The following SLC24A2 variants were observed in gnomAD, a reference collection of about 807,000 sequenced individuals.
SLC24A2 encodes solute carrier family 24 member 2, also known as sodium/potassium/calcium exchanger 2.
Under a neutral mutation model 62.0 loss-of-function variants are expected in SLC24A2, and 36 were observed. That is an observed-to-expected ratio of 0.58 (90% confidence interval 0.44 to 0.77). SLC24A2 has a LOEUF of 0.77. Among genes scored for constraint, SLC24A2 ranks in the 30% least tolerant of loss-of-function variants. The probability of loss-of-function intolerance (pLI) is 0.00; values close to 1 mark genes in which losing one functional copy is unlikely to be tolerated. For synonymous variants in SLC24A2, 358 were observed against 294.0 expected (o/e 1.22, Z -2.23); for missense variants, 846 against 817.9 (o/e 1.03, Z -0.42).
intron 4 of SLC24A2, among the ~76,000 whole-genome samples, chr9:19,612,027 T>C (rs934283898): frequency 2.0e-5 from 3 of 152,138 alleles, no homozygotes; most frequent in Non-Finnish European, 4.4e-5. Flanking sequence ...TTCAGGCAGG[T>C]AAGAAAACCA....
At chr9:19,940,882 T>C in the SLC24A2 span, among the ~76,000 whole-genome samples, 1 of 152,190 alleles carries the variant, frequency 6.6e-6, no homozygotes, top group Admixed American at 6.5e-5. Flanking sequence ...TGGGAAAGGC[T>C]CTCTCATTTT....
chr9:19,809,063 C>G, the SLC24A2 span, among the ~76,000 whole-genome samples: 1 of 152,150 alleles, frequency 6.6e-6, no homozygotes, highest in Non-Finnish European at 1.5e-5. Flanking sequence ...TACATATTTG[C>G]AAATAAATGA....
chr9:19,603,046 TG>T (rs1177294529), intron 4 of SLC24A2, among the ~76,000 whole-genome samples: 1 of 152,180 alleles, frequency 6.6e-6, no homozygotes, highest in Non-Finnish European at 1.5e-5. Context: ...AAATATGATT[TG>T]AATAGCAAAG....
At chr9:20,121,143 A>C in the SLC24A2 span, among the ~76,000 whole-genome samples, 1 of 148,802 alleles carries the variant, frequency 6.7e-6, no homozygotes, top group African/African-American at 2.5e-5. Context: ...ATCACCTCCT[A>C]ATTTCTATAG....
At chr9:20,295,026 G>T in the SLC24A2 span, among the ~76,000 whole-genome samples, 1 of 142,908 alleles carries the variant, frequency 7.0e-6, no homozygotes, top group South Asian at 2.4e-4. Flanking sequence ...CTGTGCATAT[G>T]TGTATATATG....
the SLC24A2 span, among the ~76,000 whole-genome samples, chr9:20,214,724 G>C: frequency 6.6e-6 from 1 of 152,138 alleles, no homozygotes; most frequent in Non-Finnish European, 1.5e-5. Flanking sequence ...GTTATCATTT[G>C]TCTTCCCTAC....
chr9:20,232,413 T>G, the SLC24A2 span, among the ~76,000 whole-genome samples: 4 of 152,142 alleles, frequency 2.6e-5, no homozygotes, highest in Admixed American at 6.6e-5. Context: ...CAATTTCAGA[T>G]CCTGTTATTG....
the SLC24A2 span, among the ~76,000 whole-genome samples, chr9:19,889,024 G>A: frequency 6.6e-6 from 1 of 152,314 alleles, no homozygotes; most frequent in Admixed American, 6.5e-5. Context: ...GAAGCTAGAG[G>A]AGGAGAGCCC....
At chr9:20,273,652 C>T in the SLC24A2 span, among the ~76,000 whole-genome samples, 1 of 152,162 alleles carries the variant, frequency 6.6e-6, no homozygotes, top group Non-Finnish European at 1.5e-5. Context: ...GATTGTGAGG[C>T]CTCCCCAGCC....
chr9:19,881,141 T>G, the SLC24A2 span, among the ~76,000 whole-genome samples: 1 of 152,062 alleles, frequency 6.6e-6, no homozygotes, highest in Non-Finnish European at 1.5e-5. Context: ...ATCACATAAG[T>G]ATAGTTCATA....
At chr9:20,224,770 T>G in the SLC24A2 span, among the ~76,000 whole-genome samples, 1 of 152,204 alleles carries the variant, frequency 6.6e-6, no homozygotes, top group East Asian at 1.9e-4. Flanking sequence ...TAGTCCATGC[T>G]GTTGGGGCCC....
the SLC24A2 span, among the ~76,000 whole-genome samples, chr9:20,222,525 G>C: frequency 1.3e-5 from 2 of 152,008 alleles, no homozygotes; most frequent in African/African-American, 2.4e-5. Context: ...ATCAATGTTT[G>C]TATCACATTG....
At chr9:19,803,094 T>A in the SLC24A2 span, among the ~76,000 whole-genome samples, 2 of 152,180 alleles carry the variant, frequency 1.3e-5, no homozygotes, top group African/African-American at 4.8e-5. Flanking sequence ...TGAAAAAAAA[T>A]TTCTATTCTT....
chr9:19,626,210 C>T (rs1162608908), intron 2 of SLC24A2, among the ~76,000 whole-genome samples: 2 of 152,278 alleles, frequency 1.3e-5, no homozygotes, highest in East Asian at 1.9e-4. Context: ...GATCTTTGTA[C>T]ATAGCCTTTC....
At chr9:19,688,572 T>C (rs1411537178) in intron 2 of SLC24A2, among the ~76,000 whole-genome samples, 1 of 151,964 alleles carries the variant, frequency 6.6e-6, no homozygotes, top group Non-Finnish European at 1.5e-5. Context: ...AGAAAAAAGC[T>C]GCATTTCAGT....
chr9:20,183,948 A>T, the SLC24A2 span, among the ~76,000 whole-genome samples: 1 of 152,232 alleles, frequency 6.6e-6, no homozygotes, highest in African/African-American at 2.4e-5. Context: ...CATGGTGAAG[A>T]AAACAATCAA....
At chr9:19,766,818 G>A (rs1457016144) in intron 2 of SLC24A2, among the ~76,000 whole-genome samples, 2 of 152,214 alleles carry the variant, frequency 1.3e-5, no homozygotes, top group East Asian at 3.8e-4. Flanking sequence ...GAGCTCGAGT[G>A]CTGTGCTGGG....
chr9:19,798,783 A>G, the SLC24A2 span, among the ~76,000 whole-genome samples: 1 of 152,246 alleles, frequency 6.6e-6, no homozygotes, highest in African/African-American at 2.4e-5. Flanking sequence ...GGCAAGTCTC[A>G]GTGAAGATCT....
chr9:19,855,380 A>G, the SLC24A2 span, among the ~76,000 whole-genome samples: 2 of 152,120 alleles, frequency 1.3e-5, no homozygotes, highest in African/African-American at 4.8e-5. Context: ...GTTGCTTCAT[A>G]GTGTCATTGG....
Sources: gnomAD v4.1 joint callset for allele counts (sites outside exome capture counted in the v4.1 genomes callset) on GRCh38, gnomAD v4.1.1 for gene constraint, MANE v1.5 for transcripts, NCBI Gene and HGNC (gene_info 2026-07-23, HGNC 2026-07-21) for gene names.